Variants in NPAS3 observed in about 807,000 individuals in gnomAD.
The protein encoded by NPAS3 is neuronal PAS domain protein 3.
Under a neutral mutation model 73.1 loss-of-function variants are expected in NPAS3, and 14 were observed. That is an observed-to-expected ratio of 0.19 (90% CI 0.13 to 0.30). The LOEUF (loss-of-function observed/expected upper bound fraction) is 0.30. Among genes scored for constraint, NPAS3 ranks in the 10% least tolerant of loss-of-function variants. The pLI, the probability that NPAS3 is intolerant of heterozygous loss-of-function variation, is 1.00. For missense variants in NPAS3, 1,096 were observed against 1,250.0 expected, an observed-to-expected ratio of 0.88 and a Z score of 1.86; for synonymous variants, 620 against 541.5, an observed-to-expected ratio of 1.14 and a Z score of -2.01.
intron 3 of NPAS3, among the ~76,000 whole-genome samples, chr14:33,257,243 G>A (rs2048812792): frequency 6.6e-6 from 1 of 152,136 alleles, no homozygotes; most frequent in South Asian, 2.1e-4. Flanking sequence ...ATGTCTGTGG[G>A]TATGTCTGTT....
At chr14:33,022,257 T>C (rs2039624833) in intron 1 of NPAS3, among the ~76,000 whole-genome samples, 1 of 152,248 alleles carries the variant, frequency 6.6e-6, no homozygotes, top group Non-Finnish European at 1.5e-5. Context: ...GAAAAATACA[T>C]TGGAGCATAT....
chr14:33,140,940 A>G (rs2044022851), intron 2 of NPAS3, among the ~76,000 whole-genome samples: 1 of 152,220 alleles, frequency 6.6e-6, no homozygotes, highest in Non-Finnish European at 1.5e-5. Flanking sequence ...CCATCAATTC[A>G]AAAAGCAATC....
intron 3 of NPAS3, among the ~76,000 whole-genome samples, chr14:33,280,011 A>T (rs2041523449): frequency 6.6e-6 from 1 of 152,170 alleles, no homozygotes; most frequent in Admixed American, 6.5e-5. Flanking sequence ...AAATGTCAGA[A>T]GCTCTGCAGC....
At chr14:33,655,639 A>G (rs1355526297) in intron 5 of NPAS3, among the ~76,000 whole-genome samples, 4 of 152,308 alleles carry the variant, frequency 2.6e-5, no homozygotes, top group East Asian at 1.9e-4. Flanking sequence ...AAGGAAGTGG[A>G]TGACTCAGGA....
At chr14:33,520,750 G>C (rs538501159) in intron 4 of NPAS3, among the ~76,000 whole-genome samples, 1 of 152,218 alleles carries the variant, frequency 6.6e-6, no homozygotes, top group East Asian at 1.9e-4. Context: ...AATGGGCAAG[G>C]AGAATTATAC....
At chr14:33,250,152 C>T (rs997214801) in intron 3 of NPAS3, among the ~76,000 whole-genome samples, 3 of 152,070 alleles carry the variant, frequency 2.0e-5, no homozygotes, top group African/African-American at 7.2e-5. Flanking sequence ...GCCTAAATAA[C>T]ATGCTGTTAC....
intron 9 of NPAS3, among the ~76,000 whole-genome samples, chr14:33,784,745 A>ATTTATTTATTTTTT (rs1471526546): frequency 6.8e-5 from 5 of 73,856 alleles, no homozygotes; most frequent in African/African-American, 3.1e-4. Flanking sequence ...TTATTTATTT[A>ATTTATTTATTTTTT]TTTTTTTTTT....
chr14:33,227,633 T>C (rs539822152), intron 3 of NPAS3, among the ~76,000 whole-genome samples: 29 of 152,328 alleles, frequency 1.9e-4, no homozygotes, highest in Non-Finnish European at 3.2e-4. Context: ...CCTGTGTCTC[T>C]AATCTCATTC....
chr14:33,096,509 T>C (rs1194541170), intron 2 of NPAS3, among the ~76,000 whole-genome samples: 7 of 152,218 alleles, frequency 4.6e-5, no homozygotes, highest in Admixed American at 4.6e-4. Flanking sequence ...TGGGAACAGG[T>C]TTAGTATTGG....
chr14:33,414,310 A>G (rs1197433484), intron 4 of NPAS3, among the ~76,000 whole-genome samples: 8 of 152,144 alleles, frequency 5.3e-5, no homozygotes, highest in African/African-American at 1.9e-4. Context: ...GTGGGGAAAA[A>G]AAGTAGAAAT....
intron 6 of NPAS3, among the ~76,000 whole-genome samples, chr14:33,687,407 A>G (rs936464374): frequency 6.6e-6 from 1 of 152,204 alleles, no homozygotes; most frequent in African/African-American, 2.4e-5. Flanking sequence ...CTCACTCATC[A>G]GAGGGCATCC....
intron 4 of NPAS3, among the ~76,000 whole-genome samples, chr14:33,509,271 A>C (rs1481778892): frequency 6.6e-6 from 1 of 151,996 alleles, no homozygotes; most frequent in Non-Finnish European, 1.5e-5. Context: ...TCTGCCATAC[A>C]GATTATGAAC....
chr14:33,004,121 A>G (rs2038904717), intron 1 of NPAS3, among the ~76,000 whole-genome samples: 1 of 152,210 alleles, frequency 6.6e-6, no homozygotes, highest in Non-Finnish European at 1.5e-5. Flanking sequence ...AGCATTTAGA[A>G]CAGACATGTA....
At chr14:33,757,630 C>T (rs956831102) in intron 7 of NPAS3, among the ~76,000 whole-genome samples, 3 of 152,180 alleles carry the variant, frequency 2.0e-5, no homozygotes, top group African/African-American at 7.2e-5. Flanking sequence ...AGTGATGGCA[C>T]TTGGAATGGA....
intron 4 of NPAS3, among the ~76,000 whole-genome samples, chr14:33,475,778 G>A (rs1013536276): frequency 2.6e-5 from 4 of 152,088 alleles, no homozygotes; most frequent in African/African-American, 7.2e-5. Context: ...GAATGGGAGA[G>A]AAAACAATGC....
At position 33,180,799 on chromosome 14, in the gene NPAS3, C is replaced by CAAAAAAAAAAAAAAAAAAAAAAAAAAA. The variant is rs1555350930; in HGVS notation, c.141-34381_141-34380insAAAAAAAAAAAAAAAAAAAAAAAAAAA. Among the ~76,000 whole-genome samples, 2 of 69,346 alleles carry CAAAAAAAAAAAAAAAAAAAAAAAAAAA rather than the reference C, an allele frequency of 2.9e-5. 1 individual carries two copies. Among genetic ancestry groups the CAAAAAAAAAAAAAAAAAAAAAAAAAAA allele is most frequent in the Non-Finnish European group, 5.1e-5 (2 of 38,854 alleles). The allele number at this position is 69,346 out of a possible 152,430, so 45.5% of individuals were successfully genotyped here. ...GGGCGACAGAGCGAGACACTGTCTC[C>CAAAAAAAAAAAAAAAAAAAAAAAAAAA]AAGAAAAAAAAAAAAAAAAAAAAAA... On this transcript the variant is annotated intron_variant, in intron 2 of 11. Transcript: ENST00000356141.
At chr14:33,357,257 C>G (rs2045379796) in intron 3 of NPAS3, among the ~76,000 whole-genome samples, 2 of 152,286 alleles carry the variant, frequency 1.3e-5, no homozygotes, top group South Asian at 4.1e-4. Context: ...CAAGTTATGT[C>G]TGAGGCATTC....
chr14:33,193,137 T>C (rs1393954500), intron 2 of NPAS3, among the ~76,000 whole-genome samples: 1 of 152,122 alleles, frequency 6.6e-6, no homozygotes, highest in Non-Finnish European at 1.5e-5. Flanking sequence ...TGGCTTTTTA[T>C]ATTTTTATCC....
intron 3 of NPAS3, among the ~76,000 whole-genome samples, chr14:33,271,946 C>G (rs1284842345): frequency 6.6e-6 from 1 of 152,048 alleles, no homozygotes; most frequent in Non-Finnish European, 1.5e-5. Context: ...ATTGTTATTA[C>G]TATGATATTG....
Sources: gnomAD v4.1 joint callset for allele counts (sites outside exome capture counted in the v4.1 genomes callset) on GRCh38, gnomAD v4.1.1 for gene constraint, MANE v1.5 for transcripts, NCBI Gene and HGNC (gene_info 2026-07-23, HGNC 2026-07-21) for gene names.